The following LYPLA1 variants were observed in gnomAD, a reference collection of about 807,000 sequenced individuals.
The protein encoded by LYPLA1 is acyl-protein thioesterase 1.
A neutral mutation model predicts 34.0 loss-of-function variants in LYPLA1; 17 were observed. That is an observed-to-expected ratio of 0.50 (90% confidence interval 0.34 to 0.75). LYPLA1 has a LOEUF of 0.75. Among genes scored for constraint, LYPLA1 ranks in the 30% least tolerant of loss-of-function variants. The pLI, the probability that LYPLA1 is intolerant of heterozygous loss-of-function variation, is 0.01. For missense variants in LYPLA1, 203 were observed against 288.8 expected, an observed-to-expected ratio of 0.70 and a Z score of 2.15; for synonymous variants, 98 against 100.8, an observed-to-expected ratio of 0.97 and a Z score of 0.17.
intron 5 of LYPLA1, among the ~76,000 whole-genome samples, chr8:54,061,278 A>G (rs1806613312): frequency 6.6e-6 from 1 of 151,776 alleles, no homozygotes; most frequent in African/African-American, 2.4e-5. Flanking sequence ...ACGGGGTTTC[A>G]CTAGGTTAGC....
chr8:54,081,950 G>A (rs1052795900), intron 2 of LYPLA1, among the ~76,000 whole-genome samples: 1 of 151,840 alleles, frequency 6.6e-6, no homozygotes, highest in African/African-American at 2.4e-5. Flanking sequence ...GGCTGGTCCT[G>A]AACTCCTGAC....
In LYPLA1 at chr8:54,101,403, T is replaced by C. The variant is rs1317262863; in HGVS notation, c.69+352A>G. On this transcript the variant is annotated intron_variant, in intron 1 of 8. Coordinates refer to ENST00000316963, the MANE Select transcript of LYPLA1 (RefSeq NM_006330.4). ...TTTCATTGAGGATAAGAGTGCGAGG[T>C]GACAATAAGGCGATTTCCTGGCGGA... 4.7e-6 allele frequency: 5 copies of C among 1,058,774 alleles called. No homozygotes were observed. The African/African-American group carries it at 8.4e-5, about 18-fold the overall frequency. The allele number at this position is 1,058,774 out of a possible 1,614,324, so 65.6% of individuals were successfully genotyped here.
intron 2 of LYPLA1, among the ~76,000 whole-genome samples, chr8:54,072,905 T>G (rs1415397751): frequency 7.3e-6 from 1 of 136,854 alleles, no homozygotes; most frequent in African/African-American, 2.8e-5. Flanking sequence ...GCTTGAACAC[T>G]CCAGCTTGGC....
At chr8:54,066,029 C>T (rs1203935746) in intron 2 of LYPLA1, among the ~76,000 whole-genome samples, 1 of 152,092 alleles carries the variant, frequency 6.6e-6, no homozygotes, top group African/African-American at 2.4e-5. Flanking sequence ...CTACCTCTCC[C>T]GAGTTCACGC....
chr8:54,066,006 G>A (rs540458582), intron 2 of LYPLA1, among the ~76,000 whole-genome samples, 193 bp from the exon 3 acceptor site: 1 of 152,126 alleles, frequency 6.6e-6, no homozygotes, highest in East Asian at 1.9e-4. Context: ...GCGCGATCTC[G>A]GCTCACTGCA....
chr8:54,054,847 G>A, intron 6 of LYPLA1: 3 of 451,892 alleles, frequency 6.6e-6, no homozygotes, highest in Non-Finnish European at 1.2e-5. Context: ...TGTTAACTTA[G>A]AAATTTAATT....
chr8:54,063,973 C>T (rs1806854820), intron 3 of LYPLA1, among the ~76,000 whole-genome samples: 1 of 152,198 alleles, frequency 6.6e-6, no homozygotes, highest in African/African-American at 2.4e-5. Flanking sequence ...TACATCTCAC[C>T]ACTTTCCTCC....
rs181005287 is a variant in LYPLA1, at chr8:54,078,627, G to A, written c.102-12814C>T. On this transcript the variant is annotated intron_variant, in intron 2 of 8. Coordinates refer to ENST00000316963, the MANE Select transcript of LYPLA1 (RefSeq NM_006330.4). ...ATTTGGCTGAGTGTGGCCTTTTCTG[G>A]GCTACCTGCTGCTTACTGCTGATCT... Among the ~76,000 whole-genome samples, 10 of 152,256 alleles carry A rather than the reference G, an allele frequency of 6.6e-5. No individual in the cohort carries two copies. In the East Asian group the frequency reaches 1.9e-3, roughly 29 times the overall value.
At chr8:54,056,890 C>T (rs1231492280) in intron 5 of LYPLA1, among the ~76,000 whole-genome samples, 2 of 151,588 alleles carry the variant, frequency 1.3e-5, no homozygotes, top group Admixed American at 6.6e-5. Context: ...CCCAGCCTGG[C>T]GAAAGAGCAA....
chr8:54,066,085 C>T (rs1424071203), intron 2 of LYPLA1, among the ~76,000 whole-genome samples: 3 of 151,966 alleles, frequency 2.0e-5, no homozygotes, highest in Non-Finnish European at 4.4e-5. Context: ...TACAGGTGCC[C>T]GCCACCACGC....
rs745915152 is a variant in LYPLA1 at position 54,101,802 on chromosome 8, T to C, written c.22A>G (p.Thr8Ala). The change falls in exon 1 of 9, where the codon ACC (threonine) becomes GCC (alanine). Residue 8 changes from threonine to alanine, a missense_variant. Physicochemically the swap from Thr to Ala is moderately conservative, Grantham distance 58. Transcript: ENST00000316963. Reference protein sequence around the residue: MCGNNMSTPLPAIVPAAR... With the variant: MCGNNMSAPLPAIVPAAR... ...GCGGGCACGATGGCGGGCAGCGGGG[T>C]TGACATGTTATTGCCGCACATACAC... 3.6e-5 allele frequency: 46 copies of C among 1,290,086 alleles called. 1 individual carries two copies. The South Asian group carries it at 1.4e-3, about 38-fold the overall frequency. The allele number at this position is 1,290,086 out of a possible 1,614,324, so 79.9% of individuals were successfully genotyped here. A position where few individuals can be genotyped will look rare whatever the true frequency, so the allele number is the denominator to read the frequency against.
At chr8:54,093,346 G>A (rs1271836362) in intron 2 of LYPLA1, among the ~76,000 whole-genome samples, 2 of 152,190 alleles carry the variant, frequency 1.3e-5, no homozygotes, top group Non-Finnish European at 2.9e-5. Context: ...CTTGATTAGG[G>A]TGAGCCCTAA....
chr8:54,066,387 A>T (rs1365817949), intron 2 of LYPLA1, among the ~76,000 whole-genome samples: 1 of 152,236 alleles, frequency 6.6e-6, no homozygotes, highest in African/African-American at 2.4e-5. Flanking sequence ...ATATTTCCAC[A>T]GGGCTTCACA....
intron 2 of LYPLA1, among the ~76,000 whole-genome samples, chr8:54,078,884 C>T (rs758384647): frequency 2.2e-5 from 3 of 139,118 alleles, no homozygotes; most frequent in Non-Finnish European, 4.5e-5. Context: ...AACAACCCCC[C>T]CCCTTTTTTT....
chr8:54,077,237 A>C (rs1807978161), intron 2 of LYPLA1, among the ~76,000 whole-genome samples: 1 of 152,190 alleles, frequency 6.6e-6, no homozygotes, highest in Non-Finnish European at 1.5e-5. Flanking sequence ...AAACCATCAC[A>C]GGAACCGAAA....
intron 2 of LYPLA1, among the ~76,000 whole-genome samples, chr8:54,092,089 G>A (rs1809324111): frequency 6.6e-6 from 1 of 151,686 alleles, no homozygotes; most frequent in Admixed American, 6.6e-5. Flanking sequence ...AGGAGGAGGA[G>A]GAAAAGGAGA....
chr8:54,086,002 T>C (rs955779484), intron 2 of LYPLA1, among the ~76,000 whole-genome samples: 5 of 151,910 alleles, frequency 3.3e-5, no homozygotes, highest in African/African-American at 1.2e-4. Context: ...AACGGGGAAA[T>C]GTGGGGAAAA....
chr8:54,101,824 A>T lies in LYPLA1; in HGVS notation c.-1T>A. 1 of 1,272,424 alleles carries T rather than the reference A, an allele frequency of 7.9e-7. No individual in the cohort carries two copies. Among genetic ancestry groups the T allele is most frequent in the Non-Finnish European group, 1.0e-6 (1 of 1,000,260 alleles). The allele number at this position is 1,272,424 out of a possible 1,614,324, so 78.8% of individuals were successfully genotyped here. A position where few individuals can be genotyped will look rare whatever the true frequency, so the allele number is the denominator to read the frequency against. ...GGGTTGACATGTTATTGCCGCACAT[A>T]CACCGCCTCAGCTCACAGCGCAAGC... On this transcript the variant is annotated 5_prime_UTR_variant, in exon 1 of 9. Transcript: ENST00000316963.
At chr8:54,054,139 T>C (rs1373382918) in intron 6 of LYPLA1, among the ~76,000 whole-genome samples, 8 of 152,096 alleles carry the variant, frequency 5.3e-5, no homozygotes, top group Non-Finnish European at 1.0e-4. Context: ...TGCACCACTA[T>C]GCCCGGCTAA....
Sources: allele counts gnomAD v4.1 joint callset (sites outside exome capture counted in the v4.1 genomes callset), GRCh38; gene constraint gnomAD v4.1.1; transcripts MANE v1.5; gene names NCBI Gene and HGNC (gene_info 2026-07-23, HGNC 2026-07-21).